SLC38A1: variants seen among roughly 807,000 people sequenced by gnomAD.
The protein encoded by SLC38A1 is solute carrier family 38 member 1.
SLC38A1 carries 18 observed loss-of-function variants against 60.3 expected under a neutral mutation model. That is an observed-to-expected ratio of 0.30 (90% CI 0.21 to 0.44). SLC38A1 has a LOEUF of 0.44. Ranked by LOEUF, SLC38A1 falls within the 20% of genes least tolerant of loss-of-function variation. The pLI is 1.00. For synonymous variants in SLC38A1, 196 were observed against 212.1 expected, an observed-to-expected ratio of 0.92 and a Z score of 0.66; for missense variants, 448 against 587.2, an observed-to-expected ratio of 0.76 and a Z score of 2.45.
Position 46,204,517 on chromosome 12 carries a change from G to A in SLC38A1, c.705+15C>T, listed in dbSNP as rs1021951185. ...CTATCACAAAACCAAACCAACCATT[G>A]CAATCAGCACTTACCACAATTAGGA... On this transcript the variant is annotated intron_variant, in intron 10 of 16. Coordinates refer to ENST00000398637, the MANE Select transcript of SLC38A1 (RefSeq NM_030674.4). The A allele has an allele frequency of 3.1e-6, 5 of 1,611,910 alleles. No individual in the cohort carries two copies. The highest frequency in any genetic ancestry group is 4.2e-6 in the Non-Finnish European group (5 of 1,178,876).
At chr12:46,206,399 G>T (rs1939904248) in intron 8 of SLC38A1, among the ~76,000 whole-genome samples, 1 of 151,142 alleles carries the variant, frequency 6.6e-6, no homozygotes, top group African/African-American at 2.4e-5. Context: ...TTTCCCATTG[G>T]CTAAATGTGG....
intron 16 of SLC38A1, chr12:46,196,000 A>G: frequency 2.8e-6 from 2 of 715,102 alleles, no homozygotes; most frequent in Non-Finnish European, 4.5e-6. Flanking sequence ...CAGGTACCTC[A>G]GTTGGAAATG....
intron 3 of SLC38A1, among the ~76,000 whole-genome samples, chr12:46,237,878 T>C (rs904119143): frequency 6.6e-6 from 1 of 151,784 alleles, no homozygotes; most frequent in Non-Finnish European, 1.5e-5. Flanking sequence ...CAGCAGGGAC[T>C]ACTGAACTGT....
rs997367210 is a variant in SLC38A1 at position 46,243,398 on chromosome 12, A to G, written c.-208-84T>C. The G allele has an allele frequency of 2.8e-4, 42 of 152,250 alleles. 1 individual carries two copies. The highest frequency in any genetic ancestry group is 1.0e-3 in the African/African-American group (42 of 41,466). 9.4% of individuals were successfully genotyped at this position (152,250 alleles called of 1,614,324 possible). A position where few individuals can be genotyped will look rare whatever the true frequency, so the allele number is the denominator to read the frequency against. On this transcript the variant is annotated intron_variant, in intron 1 of 16. Coordinates refer to ENST00000398637, the MANE Select transcript of SLC38A1 (RefSeq NM_030674.4). ...ATGATACCAAACATTGAGTTTTTAAAACATTTTTTTCACTTAACAAGATAT... is the reference window on the plus strand; with the variant it reads ...ATGATACCAAACATTGAGTTTTTAAGACATTTTTTTCACTTAACAAGATAT...
intron 2 of SLC38A1, among the ~76,000 whole-genome samples, chr12:46,242,591 G>A (rs574722748): frequency 1.5e-4 from 23 of 151,940 alleles, no homozygotes; most frequent in South Asian, 1.5e-3. Context: ...GCAAAACCCC[G>A]TCTCTACAAA....
At chr12:46,210,408 A>T (rs947486498) in intron 5 of SLC38A1, among the ~76,000 whole-genome samples, 2 of 152,212 alleles carry the variant, frequency 1.3e-5, no homozygotes, top group African/African-American at 4.8e-5. Context: ...GAAAGAACAG[A>T]CCTAACACTT....
chr12:46,206,226 T>C (rs1939893363), intron 8 of SLC38A1, 64 bp from the exon 9 acceptor site: 1 of 886,404 alleles, frequency 1.1e-6, no homozygotes, highest in African/African-American at 1.7e-5. Flanking sequence ...CCCTCCAATG[T>C]AAAATTTCAT....
intron 1 of SLC38A1, among the ~76,000 whole-genome samples, chr12:46,264,964 T>C (rs1942308256): frequency 6.6e-6 from 1 of 152,020 alleles, no homozygotes; most frequent in Admixed American, 6.6e-5. Context: ...TCCATCAAGA[T>C]ATATTTTCAG....
Position 46,184,753 on chromosome 12 carries a change from A to T in SLC38A1, c.*4217T>A, listed in dbSNP as rs1222013675. 1 of 152,194 alleles carries T rather than the reference A, an allele frequency of 6.6e-6. No homozygotes were observed. Among genetic ancestry groups the T allele is most frequent in the East Asian group, 1.9e-4 (1 of 5,194 alleles). 9.4% of individuals were successfully genotyped at this position (152,194 alleles called of 1,614,324 possible). On this transcript the variant is annotated 3_prime_UTR_variant, in exon 17 of 17. Transcript: ENST00000398637. ...CTGACACAAATTCAGTATTTCTTCT[A>T]AGTCTGCATTTACAAAGGGTCTTTT... is the stretch of plus-strand genomic sequence containing the variant.
chr12:46,260,230 C>T (rs1592159222), intron 1 of SLC38A1, among the ~76,000 whole-genome samples: 1 of 152,188 alleles, frequency 6.6e-6, no homozygotes. Context: ...CCTCCTCCTC[C>T]CAACTTTCTG....
intron 9 of SLC38A1, 59 bp from the exon 10 acceptor site, chr12:46,204,649 A>G (rs911335814): frequency 2.3e-6 from 3 of 1,333,084 alleles, no homozygotes; most frequent in Admixed American, 4.0e-5. Context: ...AAAATTTTGG[A>G]GCTACCCATC....
chr12:46,219,807 AG>A (rs1322473631), intron 5 of SLC38A1, among the ~76,000 whole-genome samples: 4 of 152,258 alleles, frequency 2.6e-5, no homozygotes, highest in African/African-American at 9.6e-5. Context: ...AGTATAGTTA[AG>A]TTGTCTGTTG....
intron 5 of SLC38A1, among the ~76,000 whole-genome samples, chr12:46,219,734 A>G (rs768039116): frequency 6.6e-6 from 1 of 152,246 alleles, no homozygotes; most frequent in Non-Finnish European, 1.5e-5. Context: ...TGTAAACCAG[A>G]TGAGTGAGCA....
In SLC38A1 at chr12:46,193,012, A is replaced by C. The variant is rs150089268; in HGVS notation, c.1363-3941T>G. ...TTGCTTTCGCTTCTCTAGTTCTTTT[A>C]ATTGTGATGTAGGGGTGTCGATTTT... On this transcript the variant is annotated intron_variant, in intron 16 of 16. Coordinates refer to ENST00000398637, the MANE Select transcript of SLC38A1 (RefSeq NM_030674.4). 9.7e-3 allele frequency among the ~76,000 whole-genome samples: 1,481 copies of C among 152,114 alleles called. 34 individuals carry two copies. Among genetic ancestry groups the C allele is most frequent in the African/African-American group, 0.034 (1,419 of 41,490 alleles).
chr12:46,222,030 C>T (rs527767552), intron 5 of SLC38A1, among the ~76,000 whole-genome samples: 1 of 152,198 alleles, frequency 6.6e-6, no homozygotes, highest in South Asian at 2.1e-4. Context: ...GTTAGTGTGG[C>T]AGAAGCTGAG....
At chr12:46,196,379 T>C in intron 16 of SLC38A1, 2 of 1,437,356 alleles carry the variant, frequency 1.4e-6, no homozygotes, top group South Asian at 2.7e-5. Flanking sequence ...ATGGAACCCT[T>C]GTCTAATGCC....
intron 7 of SLC38A1, 141 bp from the exon 8 acceptor site, chr12:46,207,377 C>T: frequency 3.8e-6 from 4 of 1,047,794 alleles, no homozygotes; most frequent in Non-Finnish European, 5.7e-6. Context: ...GGATTTGTGG[C>T]TTTAAATAAG....
At chr12:46,222,456 T>C (rs1312787121) in intron 5 of SLC38A1, among the ~76,000 whole-genome samples, 2 of 152,152 alleles carry the variant, frequency 1.3e-5, no homozygotes, top group Non-Finnish European at 2.9e-5. Context: ...TCAGTTTGTA[T>C]TCATGTAATA....
chr12:46,211,427 T>C (rs1161433198), intron 5 of SLC38A1, among the ~76,000 whole-genome samples: 1 of 152,202 alleles, frequency 6.6e-6, no homozygotes, highest in Non-Finnish European at 1.5e-5. Context: ...TACACAATTA[T>C]TTACAAAAGG....
Sources: allele counts gnomAD v4.1 joint callset (sites outside exome capture counted in the v4.1 genomes callset), GRCh38; gene constraint gnomAD v4.1.1; transcripts MANE v1.5; gene names NCBI Gene and HGNC (gene_info 2026-07-23, HGNC 2026-07-21).